The following TRIO variants were observed in gnomAD, a reference collection of about 807,000 sequenced individuals.
TRIO encodes trio Rho guanine nucleotide exchange factor.
A neutral mutation model predicts 351.9 loss-of-function variants in TRIO; 58 were observed. That is an observed-to-expected ratio of 0.16 (90% CI 0.13 to 0.21). The LOEUF is 0.21. Ranked by LOEUF, TRIO falls within the 10% of genes least tolerant of loss-of-function variation. The pLI, the probability that TRIO is intolerant of heterozygous loss-of-function variation, is 1.00. For synonymous variants in TRIO, 1,758 were observed against 1,595.7 expected, an observed-to-expected ratio of 1.10 and a Z score of -2.42; for missense variants, 3,201 against 4,027.8, an observed-to-expected ratio of 0.79 and a Z score of 5.56.
intron 18 of TRIO, among the ~76,000 whole-genome samples, chr5:14,371,006 T>C (rs1243297903): frequency 6.6e-6 from 1 of 152,242 alleles, no homozygotes; most frequent in African/African-American, 2.4e-5. Flanking sequence ...CGCTGTGCAT[T>C]GAGTAGAACC....
At position 14,462,759 on chromosome 5, in the gene TRIO, G is replaced by A; in HGVS notation, c.5501G>A (p.Gly1834Asp). Residue 1834 changes from glycine (G) to aspartate (D), a missense_variant, in exon 36 of 57, where the codon GGC becomes GAC. Gly to Asp is a moderately conservative substitution (Grantham distance 94, BLOSUM62 -1). Coordinates refer to ENST00000344204, the MANE Select transcript of TRIO (RefSeq NM_007118.4). Reference protein sequence around the residue: ...TPQDETVEERGRNEGLSSGTL... With the variant: ...TPQDETVEERDRNEGLSSGTL... Reference sequence around the variant, plus strand: ...CAAATCTTGACTGGATTTCAGAGAGGCCGGAACGAGGGCCTGAGCAGCGGT... The same window carrying A: ...CAAATCTTGACTGGATTTCAGAGAGACCGGAACGAGGGCCTGAGCAGCGGT... 1.2e-6 allele frequency: 2 copies of A among 1,614,120 alleles called. No individual in the cohort carries two copies. The highest frequency in any genetic ancestry group is 1.7e-6 in the Non-Finnish European group (2 of 1,179,978).
At position 14,488,142 on chromosome 5, in the gene TRIO, A is replaced by G; in HGVS notation, c.7514A>G (p.Asp2505Gly). Residue 2505 changes from aspartate (D) to glycine (G), a missense_variant, in exon 48 of 57, where the codon GAC becomes GGC. By Grantham distance (94) the Asp-to-Gly change is moderately conservative. Coordinates refer to ENST00000344204, the MANE Select transcript of TRIO (RefSeq NM_007118.4). ...CCCGGCTCCTTCACCTTCCCGGGGGACAGCGACTCCCTCCAGCGGCAGACA... is the reference window on the plus strand; with the variant it reads ...CCCGGCTCCTTCACCTTCCCGGGGGGCAGCGACTCCCTCCAGCGGCAGACA... ...SRPGSFTFPGDSDSLQRQTPR... is the reference protein window; with the variant it reads ...SRPGSFTFPGGSDSLQRQTPR... 2 of 1,606,234 alleles carry G rather than the reference A, an allele frequency of 1.2e-6. No individual in the cohort carries two copies. Among genetic ancestry groups the G allele is most frequent in the Non-Finnish European group, 8.5e-7 (1 of 1,179,120 alleles).
chr5:14,234,978 A>G (rs1181251301), intron 1 of TRIO, among the ~76,000 whole-genome samples: 1 of 152,208 alleles, frequency 6.6e-6, no homozygotes. Context: ...AAAGTATATA[A>G]CAGGTGTTCT....
chr5:14,144,907 C>A (rs905418515), intron 1 of TRIO, among the ~76,000 whole-genome samples: 5 of 140,336 alleles, frequency 3.6e-5, no homozygotes, highest in African/African-American at 5.6e-5. Context: ...GAGGAGGAGG[C>A]GGCGGCGGCG....
rs1749261294 is a variant in TRIO at position 14,412,170 on chromosome 5, T to C, written c.4959+5498T>C. ...ACCCAGCTAATTTCTGTATTTTTAG[T>C]AGAGATGGGGTTTTGCCATGTTGGC... is the stretch of plus-strand genomic sequence containing the variant. On this transcript the variant is annotated intron_variant, in intron 33 of 56. Transcript: ENST00000344204. 2.0e-5 allele frequency among the ~76,000 whole-genome samples: 3 copies of C among 152,164 alleles called. No homozygotes were observed. The South Asian group carries it at 6.2e-4, about 32-fold the overall frequency.
At chr5:14,457,044 A>T (rs1450482646) in intron 34 of TRIO, among the ~76,000 whole-genome samples, 1 of 152,218 alleles carries the variant, frequency 6.6e-6, no homozygotes, top group Non-Finnish European at 1.5e-5. Flanking sequence ...TTTCCCCACC[A>T]GAGAGAGTCA....
At chr5:14,238,259 T>C (rs1455359150) in intron 1 of TRIO, among the ~76,000 whole-genome samples, 2 of 152,236 alleles carry the variant, frequency 1.3e-5, no homozygotes, top group East Asian at 3.8e-4. Flanking sequence ...GGGAGGGACT[T>C]CCTGCAGCTA....
chr5:14,498,359 C>G (rs989058255), intron 52 of TRIO, 108 bp downstream of exon 52: 38 of 1,521,296 alleles, frequency 2.5e-5, no homozygotes, highest in Admixed American at 8.0e-5. Context: ...CTGCCTTCGG[C>G]ACTCCACTTC....
chr5:14,505,724 G>A (rs1362328716), intron 55 of TRIO, among the ~76,000 whole-genome samples: 2 of 152,020 alleles, frequency 1.3e-5, no homozygotes, highest in Admixed American at 6.5e-5. Flanking sequence ...TCCTCGGGCC[G>A]CCCATGTGCC....
intron 38 of TRIO, among the ~76,000 whole-genome samples, chr5:14,471,918 GA>G (rs113768319): frequency 2.6e-4 from 38 of 143,950 alleles, no homozygotes; most frequent in East Asian, 1.0e-3. Flanking sequence ...TTTGGAGAAG[GA>G]AAAAAAAAAA....
chr5:14,490,576 T>G (rs1257849115), intron 48 of TRIO, among the ~76,000 whole-genome samples: 2 of 152,124 alleles, frequency 1.3e-5, no homozygotes, highest in Non-Finnish European at 2.9e-5. Flanking sequence ...CACACTGGAG[T>G]CACTCCAGCC....
At position 14,246,470 on chromosome 5, in the gene TRIO, C is replaced by T. The variant is rs1237065751; in HGVS notation, c.158-24355C>T. ...TTCCCTGTCTGTCTCTGCTCTTGGTCGCTTCTCAGGCAGACCCTGTGGCTG... is the reference window on the plus strand; with the variant it reads ...TTCCCTGTCTGTCTCTGCTCTTGGTTGCTTCTCAGGCAGACCCTGTGGCTG... On this transcript the variant is annotated intron_variant, in intron 1 of 56. Transcript: ENST00000344204. Among the ~76,000 whole-genome samples, 4 of 152,214 alleles carry T rather than the reference C, an allele frequency of 2.6e-5. No individual in the cohort carries two copies. In the East Asian group the frequency reaches 7.7e-4, roughly 29 times the overall value.
intron 1 of TRIO, among the ~76,000 whole-genome samples, chr5:14,224,217 C>T (rs982963666): frequency 6.6e-6 from 1 of 151,888 alleles, no homozygotes; most frequent in Non-Finnish European, 1.5e-5. Flanking sequence ...GTATGTGAAG[C>T]GAGGACCCTA....
intron 1 of TRIO, among the ~76,000 whole-genome samples, chr5:14,264,912 C>T (rs758822173): frequency 2.0e-5 from 3 of 152,116 alleles, no homozygotes; most frequent in Non-Finnish European, 2.9e-5. Context: ...CGCGAAGTTT[C>T]CCCCAAAGTA....
intron 1 of TRIO, among the ~76,000 whole-genome samples, chr5:14,169,700 A>T (rs1581265001): frequency 6.6e-6 from 1 of 152,178 alleles, no homozygotes; most frequent in African/African-American, 2.4e-5. Flanking sequence ...ATGGTTTTTC[A>T]TGTTGGATTC....
At chr5:14,478,831 G>A (rs554984821) in intron 41 of TRIO, among the ~76,000 whole-genome samples, 3 of 151,786 alleles carry the variant, frequency 2.0e-5, no homozygotes, top group South Asian at 4.2e-4. Context: ...GCATGGTGAT[G>A]CACATCTGTA....
chr5:14,229,685 C>T (rs1290912817), intron 1 of TRIO, among the ~76,000 whole-genome samples: 1 of 152,146 alleles, frequency 6.6e-6, no homozygotes, highest in African/African-American at 2.4e-5. Context: ...GACCAAGCTC[C>T]CCTATTTATG....
chr5:14,452,005 C>T (rs941281060), intron 34 of TRIO, among the ~76,000 whole-genome samples: 1 of 152,260 alleles, frequency 6.6e-6, no homozygotes, highest in Non-Finnish European at 1.5e-5. Flanking sequence ...CCGGAACTCT[C>T]CTGCTGTTGA....
At chr5:14,386,890 A>C (rs995255761) in intron 21 of TRIO, among the ~76,000 whole-genome samples, 6 of 152,214 alleles carry the variant, frequency 3.9e-5, no homozygotes, top group African/African-American at 1.4e-4. Flanking sequence ...ATTTTCTGAG[A>C]GTTAAAGCAA....
Sources: gnomAD v4.1 joint callset for allele counts (sites outside exome capture counted in the v4.1 genomes callset) on GRCh38, gnomAD v4.1.1 for gene constraint, MANE v1.5 for transcripts, NCBI Gene and HGNC (gene_info 2026-07-23, HGNC 2026-07-21) for gene names.